The following ARPC1A variants were observed in gnomAD, a reference collection of about 807,000 sequenced individuals.
ARPC1A encodes the protein actin-related protein 2/3 complex subunit 1A.
In ARPC1A, 8 loss-of-function variants were observed where a neutral mutation model predicts 46.9. The observed-to-expected ratio is 0.17, with a 90% confidence interval of 0.10 to 0.31. ARPC1A has a LOEUF of 0.31. Ranked by LOEUF, ARPC1A falls within the 10% of genes least tolerant of loss-of-function variation. ARPC1A has a pLI of 1.00. For synonymous variants in ARPC1A, 152 were observed against 169.0 expected (o/e 0.90, Z 0.78); for missense variants, 286 against 483.6 (o/e 0.59, Z 3.83).
Position 99,366,048 on chromosome 7 carries a change from C to G in ARPC1A, c.*119C>G, listed in dbSNP as rs1793835914. ...ACTGAAAACACATATCACGCCAATGCCGTGTGGTTTTGTTTGAATATAAAA... is the reference window on the plus strand; with the variant it reads ...ACTGAAAACACATATCACGCCAATGGCGTGTGGTTTTGTTTGAATATAAAA... On this transcript the variant is annotated 3_prime_UTR_variant, in exon 10 of 10. Transcript: ENST00000262942. The G allele has an allele frequency of 8.3e-7, 1 of 1,205,364 alleles. No individual in the cohort carries two copies. Among genetic ancestry groups the G allele is most frequent in the African/African-American group, 1.5e-5 (1 of 65,142 alleles). 74.7% of individuals were successfully genotyped at this position (1,205,364 alleles called of 1,614,324 possible). A position where few individuals can be genotyped will look rare whatever the true frequency, so the allele number is the denominator to read the frequency against.
In ARPC1A at chr7:99,363,532, C is replaced by T. The variant is rs1163082953; in HGVS notation, c.984-11C>T. ...ATACCTTACGATCTCTTTTGCTTTG[C>T]TTTTTTTCAGTCAAGTCTCTATTTA... is the stretch of plus-strand genomic sequence containing the variant. On this transcript the variant is annotated splice_polypyrimidine_tract_variant and intron_variant, in intron 8 of 9. Coordinates refer to ENST00000262942, the MANE Select transcript of ARPC1A (RefSeq NM_006409.4). 6.2e-6 allele frequency: 10 copies of T among 1,608,992 alleles called. No individual in the cohort carries two copies. In the Admixed American group the frequency reaches 1.7e-4, roughly 27 times the overall value.
chr7:99,349,287 T>C (rs955556000), intron 5 of ARPC1A, among the ~76,000 whole-genome samples: 12 of 152,058 alleles, frequency 7.9e-5, no homozygotes, highest in Non-Finnish European at 7.4e-5. Flanking sequence ...GGTCTTGAAC[T>C]CCTGGCCTCA....
intron 6 of ARPC1A, among the ~76,000 whole-genome samples, chr7:99,355,158 T>C (rs1584384960): frequency 6.6e-6 from 1 of 150,406 alleles, no homozygotes; most frequent in African/African-American, 2.5e-5. Context: ...GGCATATGCC[T>C]GTAATCCCAG....
intron 2 of ARPC1A, among the ~76,000 whole-genome samples, 161 bp from the exon 3 acceptor site, chr7:99,338,020 A>T (rs1793285410): frequency 6.7e-6 from 1 of 149,850 alleles, no homozygotes; most frequent in African/African-American, 2.4e-5. Context: ...AGTAAAGGTT[A>T]AAAAAAAAAT....
At chr7:99,353,771 GC>G in intron 5 of ARPC1A, 137 bp from the exon 6 acceptor site, 2 of 841,152 alleles carry the variant, frequency 2.4e-6, no homozygotes, top group Non-Finnish European at 3.6e-6. Context: ...GAGCCACCGT[GC>G]CCAGCTCATG....
chr7:99,327,919 GA>G, intron 1 of ARPC1A, among the ~76,000 whole-genome samples: 1 of 152,276 alleles, frequency 6.6e-6, no homozygotes, highest in East Asian at 1.9e-4. Flanking sequence ...GGAACTAGGT[GA>G]ATCACGGTCT....
intron 4 of ARPC1A, among the ~76,000 whole-genome samples, chr7:99,347,599 G>T (rs1450613726): frequency 6.6e-6 from 1 of 152,120 alleles, no homozygotes; most frequent in Non-Finnish European, 1.5e-5. Flanking sequence ...CAGCTATCGG[G>T]AGGCTGAGGC....
At chr7:99,342,212 A>G (rs548090021) in intron 3 of ARPC1A, among the ~76,000 whole-genome samples, 3 of 152,032 alleles carry the variant, frequency 2.0e-5, no homozygotes, top group Non-Finnish European at 4.4e-5. Flanking sequence ...CAGACATTAT[A>G]TTGTTTCATA....
At chr7:99,338,369 G>C in intron 3 of ARPC1A, 84 bp downstream of exon 3, 1 of 895,166 alleles carries the variant, frequency 1.1e-6, no homozygotes, top group Non-Finnish European at 1.6e-6. Flanking sequence ...ATAAACCCAG[G>C]TGGCCATAAT....
chr7:99,334,493 A>G (rs1266149150), intron 2 of ARPC1A, among the ~76,000 whole-genome samples: 1 of 152,190 alleles, frequency 6.6e-6, no homozygotes, highest in South Asian at 2.1e-4. Flanking sequence ...CAAAGAAACC[A>G]TTGCATAATC....
rs137914882 is a variant in ARPC1A at position 99,359,678 on chromosome 7, A to G, written c.923A>G (p.Lys308Arg). ...ATGGAACGCTTCCGCAACATGGACA[A>G]GAGAGCCACAACTGAGGACCGCAAC... ...SAMERFRNMD[K>R]RATTEDRNTA... Residue 308 changes from lysine (K) to arginine (R), a missense_variant, in exon 8 of 10, where the codon AAG (lysine) becomes AGG (arginine). By Grantham distance (26) the Lys-to-Arg change is conservative (BLOSUM62 2). Transcript: ENST00000262942. 45 of 1,614,088 alleles carry G rather than the reference A, an allele frequency of 2.8e-5. No homozygotes were observed. Among genetic ancestry groups the G allele is most frequent in the Non-Finnish European group, 3.8e-5 (45 of 1,180,056 alleles).
chr7:99,363,515 C>T (rs1366375573), intron 8 of ARPC1A, 28 bp from the exon 9 acceptor site: 24 of 1,546,072 alleles, frequency 1.6e-5, no homozygotes, highest in South Asian at 3.4e-5. Context: ...ACATACCTTA[C>T]GATCTCTTTT....
At chr7:99,332,286 G>C (rs944949607) in intron 1 of ARPC1A, among the ~76,000 whole-genome samples, 6 of 152,160 alleles carry the variant, frequency 3.9e-5, no homozygotes, top group Non-Finnish European at 7.4e-5. Flanking sequence ...AAGTGTTCTG[G>C]TTTGGATGGT....
intron 9 of ARPC1A, 63 bp downstream of exon 9, chr7:99,363,696 GAT>G: frequency 3.5e-6 from 4 of 1,148,598 alleles, no homozygotes; most frequent in Non-Finnish European, 4.9e-6. Context: ...TTTTTTAAGA[GAT>G]AGGCTCCTTC....
In ARPC1A at chr7:99,326,018, G is replaced by A. The variant is rs1170655072; in HGVS notation, c.-30+14G>A. On this transcript the variant is annotated intron_variant, in intron 1 of 9. Transcript: ENST00000262942. ...CCCCGATCCCAGGTAACGGCCAGCA[G>A]GGGCGAGCGTCTCACCCTGTCGGCC... The A allele has an allele frequency of 6.6e-6, 1 of 152,412 alleles. No homozygotes were observed. Among genetic ancestry groups the A allele is most frequent in the Non-Finnish European group, 1.5e-5 (1 of 68,080 alleles). The allele number at this position is 152,412 out of a possible 1,614,324, so 9.4% of individuals were successfully genotyped here.
At chr7:99,359,452 AAGAGT>A (rs1355340467) in intron 7 of ARPC1A, 88 bp from the exon 8 acceptor site, 1 of 1,215,100 alleles carries the variant, frequency 8.2e-7, no homozygotes, top group Non-Finnish European at 1.1e-6. Context: ...AAAAAAAAAA[AAGAGT>A]AAGAGAGGCC....
At chr7:99,336,481 ATTTTTTTTT>A (rs757908410) in intron 2 of ARPC1A, among the ~76,000 whole-genome samples, 11,491 of 103,252 alleles carry the variant, frequency 0.11, 748 homozygotes, top group African/African-American at 0.28. Context: ...ATAGGTCTTA[ATTTTTTTTT>A]TTTTTTTTTT....
At chr7:99,365,817 G>C (rs1793829590) in intron 9 of ARPC1A, 74 bp from the exon 10 acceptor site, 3 of 1,448,706 alleles carry the variant, frequency 2.1e-6, no homozygotes, top group Non-Finnish European at 2.8e-6. Flanking sequence ...CCCTGAGGAA[G>C]AGGGAGTGGT....
intron 3 of ARPC1A, among the ~76,000 whole-genome samples, chr7:99,343,825 T>A (rs1793394447): frequency 6.6e-6 from 1 of 152,160 alleles, no homozygotes. Flanking sequence ...CTCTTTACAC[T>A]AAAGATTATT....
Sources: allele counts gnomAD v4.1 joint callset (sites outside exome capture counted in the v4.1 genomes callset), GRCh38; gene constraint gnomAD v4.1.1; transcripts MANE v1.5; gene names NCBI Gene and HGNC (gene_info 2026-07-23, HGNC 2026-07-21).